Variants in GOLGA6L2 observed in about 807,000 individuals in gnomAD.
GOLGA6L2 encodes the protein golgin A6 family like 2, also known as golgin subfamily A member 6-like protein 2.
A neutral mutation model predicts 35.9 loss-of-function variants in GOLGA6L2; 30 were observed. The observed-to-expected ratio is 0.83, with a 90% CI of 0.62 to 1.13. The LOEUF (loss-of-function observed/expected upper bound fraction) is 1.13, where lower values mean the gene tolerates loss of function less well. Among genes scored for constraint, GOLGA6L2 ranks in the 50% most tolerant of loss-of-function variants. The probability of loss-of-function intolerance (pLI) is 0.00; values close to 1 mark genes in which losing one functional copy is unlikely to be tolerated. For missense variants in GOLGA6L2, 821 were observed against 973.4 expected (o/e 0.84, Z 2.08); for synonymous variants, 297 against 344.0 (o/e 0.86, Z 1.51).
rs1281434687 is a variant in GOLGA6L2 at position 23,439,898 on chromosome 15, A to T, written c.2577T>A (p.Asp859Glu). ...GGEDVGPGGE[D>E]VGAGGEDVGA... ...CCACATCTTCTCCTCCTGCCCCCAC[A>T]TCTTCTCCTCCTGGCCCCACATCTT... The change falls in exon 8 of 8, where the codon GAT becomes GAA. Residue 859 changes from aspartate (D) to glutamate (E), a missense_variant. Asp to Glu is a conservative substitution (Grantham distance 45). Around this residue, in one of 7 missense-constraint regions of GOLGA6L2, gnomAD observed 12 missense variants for 22.4 expected, o/e 0.53. Coordinates refer to ENST00000567107, the MANE Select transcript of GOLGA6L2 (RefSeq NM_001304388.2). The T allele has an allele frequency of 2.6e-6, 4 of 1,511,206 alleles. No homozygotes were observed. Among genetic ancestry groups the T allele is most frequent in the Non-Finnish European group, 3.5e-6 (4 of 1,134,796 alleles). The allele number at this position is 1,511,206 out of a possible 1,614,324, so 93.6% of individuals were successfully genotyped here.
chr15:23,443,948 G>A lies in GOLGA6L2; in HGVS notation c.420C>T (p.Asn140=), dbSNP rs1188383287. ...DGNLGTPSSF[N]LALSQAFRGS... is the part of the protein sequence containing the mutation. ...CCCTAAAGGCCTGTGAAAGTGCCAG[G>A]TTGAAGGATGATGGGGTGCCCAGGT... is the stretch of plus-strand genomic sequence containing the variant. Residue 140 remains asparagine (N), a synonymous_variant, in exon 5 of 8, where the codon AAC becomes AAT. Coordinates refer to ENST00000567107, the MANE Select transcript of GOLGA6L2 (RefSeq NM_001304388.2). 7.1e-6 allele frequency: 11 copies of A among 1,559,804 alleles called. No individual in the cohort carries two copies. Among genetic ancestry groups the A allele is most frequent in the South Asian group, 1.2e-5 (1 of 85,882 alleles).
chr15:23,447,053 T>C, intron 1 of GOLGA6L2, 45 bp downstream of exon 1: 1 of 785,542 alleles, frequency 1.3e-6, no homozygotes, highest in Non-Finnish European at 1.9e-6. Context: ...GGAGGGGGCC[T>C]GGGGCTGGGT....
chr15:23,441,617 C>A lies in GOLGA6L2; in HGVS notation c.858G>T (p.Lys286Asn). The A allele has an allele frequency of 6.5e-7, 1 of 1,547,634 alleles. No individual in the cohort carries two copies. The highest frequency in any genetic ancestry group is 8.7e-7 in the Non-Finnish European group (1 of 1,145,940). Residue 286 changes from lysine (K) to asparagine (N), a missense_variant, in exon 8 of 8, where the codon AAG becomes AAT. Transcript: ENST00000567107. ...TCTTCTCCTCCTGCTTCCGTATCTT[C>A]TTTTCCTGCTCCCGTAGCTCCTCCT... ...RQEEELREQE[K>N]KIRKQEEKMW... is the part of the protein sequence containing the mutation.
At chr15:23,442,149 T>C in intron 6 of GOLGA6L2, 29 bp from the exon 7 acceptor site, 1 of 1,569,524 alleles carries the variant, frequency 6.4e-7, no homozygotes, top group South Asian at 1.1e-5. Flanking sequence ...GAGAAAGGAA[T>C]GAACGAAGAA....
In GOLGA6L2 at chr15:23,442,113, T is replaced by A. The variant is rs1329381763; in HGVS notation, c.658A>T (p.Asn220Tyr). 6.4e-7 allele frequency: 1 copy of A among 1,564,282 alleles called. No homozygotes were observed. The highest frequency in any genetic ancestry group is 1.3e-5 in the African/African-American group (1 of 74,510). ...SLELYRNTIT[N>Y]EELKKKNAEL... ...GCATTTTTCTTCTTCAGCTCCTCATTGGTTATGCTATGGCCCGAGGCAGTA... is the reference window on the plus strand; with the variant it reads ...GCATTTTTCTTCTTCAGCTCCTCATAGGTTATGCTATGGCCCGAGGCAGTA... Residue 220 changes from asparagine (N) to tyrosine (Y), a missense_variant, in exon 7 of 8, where the codon AAT becomes TAT. Asn to Tyr is a moderately radical substitution (Grantham distance 143). Around this residue, in one of 7 missense-constraint regions of GOLGA6L2, gnomAD observed 614 missense variants for 632.3 expected, o/e 0.97. Transcript: ENST00000567107.
chr15:23,441,933 C>T, intron 7 of GOLGA6L2, 46 bp downstream of exon 7: 9 of 1,531,342 alleles, frequency 5.9e-6, no homozygotes, highest in South Asian at 4.8e-5. Context: ...GACCATGGTC[C>T]TAGCTGGATG....
At position 23,441,447 on chromosome 15, in the gene GOLGA6L2, A is replaced by ATCT. The variant is rs745865885; in HGVS notation, c.1027_1028insAGA (p.Leu343delinsGlnMet). On this transcript the variant is annotated protein_altering_variant, in exon 8 of 8. Coordinates refer to ENST00000567107, the MANE Select transcript of GOLGA6L2 (RefSeq NM_001304388.2). ...CTGCATCTGCTCCTCCTGCTCCCGC[A>ATCT]GCTTCTTCTGCTCCCGCAGCTCCTT... 1 of 1,403,970 alleles carries ATCT rather than the reference A, an allele frequency of 7.1e-7. No individual in the cohort carries two copies. Among genetic ancestry groups the ATCT allele is most frequent in the East Asian group, 2.9e-5 (1 of 34,124 alleles). The allele number at this position is 1,403,970 out of a possible 1,614,324, so 87.0% of individuals were successfully genotyped here.
In GOLGA6L2 at chr15:23,439,286, T is replaced by C. The variant is rs1017574185; in HGVS notation, c.*459A>G. ...CACAACCACGCCCGGCTAACTTGTA[T>C]TTTTAGTAGAGACGGGGTTTCATCA... On this transcript the variant is annotated 3_prime_UTR_variant, in exon 8 of 8. Coordinates refer to ENST00000567107, the MANE Select transcript of GOLGA6L2 (RefSeq NM_001304388.2). 2.0e-5 allele frequency among the ~76,000 whole-genome samples: 3 copies of C among 151,914 alleles called. No homozygotes were observed. The highest frequency in any genetic ancestry group is 1.3e-4 in the Admixed American group (2 of 15,256).
At position 23,444,452 on chromosome 15, in the gene GOLGA6L2, A is replaced by T; in HGVS notation, c.243+19T>A. ...CTCCAAACCCAGCAGTCATGTCGTGAGCAAACAAATCACGTTACTTCTTTC... is the reference window on the plus strand; with the variant it reads ...CTCCAAACCCAGCAGTCATGTCGTGTGCAAACAAATCACGTTACTTCTTTC... On this transcript the variant is annotated intron_variant, in intron 3 of 7. Transcript: ENST00000567107. The T allele has an allele frequency of 1.2e-6, 2 of 1,600,672 alleles. No individual in the cohort carries two copies. The highest frequency in any genetic ancestry group is 1.1e-5 in the South Asian group (1 of 91,044).
Position 23,441,534 on chromosome 15 carries a change from T to C in GOLGA6L2, c.941A>G (p.Glu314Gly), listed in dbSNP as rs140591462. 6.6e-5 allele frequency: 92 copies of C among 1,404,408 alleles called. No individual in the cohort carries two copies. The highest frequency in any genetic ancestry group is 3.6e-4 in the Middle Eastern group (2 of 5,504). 87.0% of individuals were successfully genotyped at this position (1,404,408 alleles called of 1,614,324 possible). A position where few individuals can be genotyped will look rare whatever the true frequency, so the allele number is the denominator to read the frequency against. Residue 314 changes from glutamate to glycine, a missense_variant, in exon 8 of 8, where the codon GAG becomes GGG. Around this residue, in one of 7 missense-constraint regions of GOLGA6L2, gnomAD observed 614 missense variants for 632.3 expected, o/e 0.97. Coordinates refer to ENST00000567107, the MANE Select transcript of GOLGA6L2 (RefSeq NM_001304388.2). ...EQEGKMREQEEKMRRQEKRLR... is the reference protein window; with the variant it reads ...EQEGKMREQEGKMRRQEKRLR... ...CCTCTTCTCCTGTCTCCGCATCTTC[T>C]CCTCCTGCTCCCGCATCTTCCCCTC...
At chr15:23,442,253 G>A in intron 6 of GOLGA6L2, 133 bp from the exon 7 acceptor site, 1 of 1,219,482 alleles carries the variant, frequency 8.2e-7, no homozygotes, top group Admixed American at 2.3e-5. Context: ...AAAAGTCCCA[G>A]GTGGCAGGCC....
chr15:23,443,589 C>G (rs2070722935), intron 5 of GOLGA6L2, among the ~76,000 whole-genome samples, 188 bp downstream of exon 5: 1 of 152,160 alleles, frequency 6.6e-6, no homozygotes, highest in South Asian at 2.1e-4. Flanking sequence ...CCCCACAGTG[C>G]CCCCCAACTC....
chr15:23,442,101 T>C lies in GOLGA6L2; in HGVS notation c.670A>G (p.Lys224Glu). ...TCTTGTAGTTCGGCATTTTTCTTCT[T>C]CAGCTCCTCATTGGTTATGCTATGG... is the stretch of plus-strand genomic sequence containing the variant. ...YRNTITNEELKKKNAELQEKL... is the reference protein window; with the variant it reads ...YRNTITNEELEKKNAELQEKL... Residue 224 changes from lysine (K) to glutamate (E), a missense_variant, in exon 7 of 8, where the codon AAG becomes GAG. Coordinates refer to ENST00000567107, the MANE Select transcript of GOLGA6L2 (RefSeq NM_001304388.2). 1 of 1,557,672 alleles carries C rather than the reference T, an allele frequency of 6.4e-7. No individual in the cohort carries two copies. The highest frequency in any genetic ancestry group is 8.6e-7 in the Non-Finnish European group (1 of 1,157,848).
Position 23,439,667 on chromosome 15 carries a change from T to C in GOLGA6L2, c.*78A>G. On this transcript the variant is annotated 3_prime_UTR_variant, in exon 8 of 8. Transcript: ENST00000567107. ...CCCACAAAACAGCTGCATGATCTCCTGTGCAGTGGGGTTGTCCTGCGGAGA... is the reference window on the plus strand; with the variant it reads ...CCCACAAAACAGCTGCATGATCTCCCGTGCAGTGGGGTTGTCCTGCGGAGA... 6.5e-7 allele frequency: 1 copy of C among 1,537,364 alleles called. No homozygotes were observed. The highest frequency in any genetic ancestry group is 8.7e-7 in the Non-Finnish European group (1 of 1,147,194).
Position 23,440,645 on chromosome 15 carries a change from T to C in GOLGA6L2, c.1830A>G (p.Glu610=), listed in dbSNP as rs1277911410. 7 of 1,434,496 alleles carry C rather than the reference T, an allele frequency of 4.9e-6. No individual in the cohort carries two copies. The highest frequency in any genetic ancestry group is 6.6e-6 in the Non-Finnish European group (7 of 1,056,564). The allele number at this position is 1,434,496 out of a possible 1,614,324, so 88.9% of individuals were successfully genotyped here. A position where few individuals can be genotyped will look rare whatever the true frequency, so the allele number is the denominator to read the frequency against. The change falls in exon 8 of 8, where the codon GAA becomes GAG. Residue 610 remains glutamate, a synonymous_variant. Transcript: ENST00000567107. ...VAAGGEDAGG[E]EDAGAGEEDM... is the part of the protein sequence containing the mutation. The stretch of plus-strand genomic sequence containing the variant: ...CTTCTTCTCCTGCTCCTGCGTCTTC[T>C]TCTCCTCCCGCATCTTCTCCTCCTG...
chr15:23,441,658 C>A lies in GOLGA6L2; in HGVS notation c.817G>T (p.Glu273Ter). The A allele has an allele frequency of 2.0e-6, 3 of 1,531,374 alleles. No individual in the cohort carries two copies. The highest frequency in any genetic ancestry group is 2.5e-5 in the South Asian group (2 of 80,500). 94.9% of individuals were successfully genotyped at this position (1,531,374 alleles called of 1,614,324 possible). A position where few individuals can be genotyped will look rare whatever the true frequency, so the allele number is the denominator to read the frequency against. Residue 273 changes from glutamate to a stop codon, truncating the protein, a stop_gained, in exon 8 of 8, where the codon GAG becomes TAG. Coordinates refer to ENST00000567107, the MANE Select transcript of GOLGA6L2 (RefSeq NM_001304388.2). LOFTEE classifies it low-confidence loss of function (END_TRUNC). Reference protein sequence around the residue: ...PQVQTNTLQEEMWRQEEELRE... With the variant: ...PQVQTNTLQE ...AGCTCCTCCTCCTGCCTCCACATCT[C>A]CTCCTGCAAAGTGTTGGTTTGAACC...
rs1449382482 is a variant in GOLGA6L2, at chr15:23,439,454, T to C, written c.*291A>G. 1.6e-5 allele frequency: 11 copies of C among 679,056 alleles called. No homozygotes were observed. Among genetic ancestry groups the C allele is most frequent in the East Asian group, 1.2e-4 (3 of 25,226 alleles). 42.1% of individuals were successfully genotyped at this position (679,056 alleles called of 1,614,324 possible). On this transcript the variant is annotated 3_prime_UTR_variant, in exon 8 of 8. Coordinates refer to ENST00000567107, the MANE Select transcript of GOLGA6L2 (RefSeq NM_001304388.2). ...TAAAGTAAATTTTCTTTTCTTTTTT[T>C]TTTTTTTTTTCAAGTTTGTGCTCAG...
chr15:23,440,075 T>G lies in GOLGA6L2; in HGVS notation c.2400A>C (p.Gly800=), dbSNP rs1555466839. Residue 800 remains glycine, a synonymous_variant, in exon 8 of 8, where the codon GGA becomes GGC. Coordinates refer to ENST00000567107, the MANE Select transcript of GOLGA6L2 (RefSeq NM_001304388.2). ...AGAGGEDVGA[G]GEDAGAGGED... is the part of the protein sequence containing the mutation. ...CTCCTCCTGCTCCCGCATCTTCTCC[T>G]CCTGCTCCCACATCTTCTCCTCCTG... The G allele has an allele frequency of 1.0e-6, 1 of 964,768 alleles. No individual in the cohort carries two copies. The highest frequency in any genetic ancestry group is 2.8e-5 in the East Asian group (1 of 35,808). The allele number at this position is 964,768 out of a possible 1,614,324, so 59.8% of individuals were successfully genotyped here.
rs1219094648 is a variant in GOLGA6L2, at chr15:23,441,187, TCTC to T, written c.1285_1287del (p.Glu429del). On this transcript the variant is annotated inframe_deletion, in exon 8 of 8. Coordinates refer to ENST00000567107, the MANE Select transcript of GOLGA6L2 (RefSeq NM_001304388.2). ...TTCTTCTCCTGCTCCTGCATCTTCT[TCTC>T]CTCCCGCATCTTCTCCACCTGCTCC... 1.3e-6 allele frequency: 2 copies of T among 1,499,348 alleles called. No individual in the cohort carries two copies. The highest frequency in any genetic ancestry group is 2.6e-5 in the East Asian group (1 of 39,206). 92.9% of individuals were successfully genotyped at this position (1,499,348 alleles called of 1,614,324 possible). A position where few individuals can be genotyped will look rare whatever the true frequency, so the allele number is the denominator to read the frequency against.
Sources: gnomAD v4.1 joint callset for allele counts (sites outside exome capture counted in the v4.1 genomes callset) on GRCh38, gnomAD v4.1.1 for gene constraint, gnomAD v4.1.1 regional missense constraint, MANE v1.5 for transcripts, NCBI Gene and HGNC (gene_info 2026-07-23, HGNC 2026-07-21) for gene names.